Variants in EYS observed in about 807,000 individuals in gnomAD.
EYS encodes EGF-like photoreceptor maintenance factor, also known as protein eyes shut homolog.
EYS carries 250 observed loss-of-function variants against 282.1 expected under a neutral mutation model. The ratio of observed to expected loss-of-function variants is 0.89; its 90% CI spans 0.80 to 0.98. The LOEUF (loss-of-function observed/expected upper bound fraction) is 0.98, where lower values mean the gene tolerates loss of function less well. Among genes scored for constraint, EYS ranks in the 50% least tolerant of loss-of-function variants. The pLI is 0.00. For missense variants in EYS, 4,016 were observed against 3,709.0 expected, an observed-to-expected ratio of 1.08 and a Z score of -2.15; for synonymous variants, 1,355 against 1,282.9, an observed-to-expected ratio of 1.06 and a Z score of -1.20.
At chr6:63,927,778 C>T (rs749505308) in intron 35 of EYS, among the ~76,000 whole-genome samples, 30 of 152,138 alleles carry the variant, frequency 2.0e-4, no homozygotes, top group Non-Finnish European at 3.5e-4. Context: ...CGCTGGGCAG[C>T]GGATACTTTA....
At chr6:64,829,353 C>G (rs1278697772) in intron 19 of EYS, among the ~76,000 whole-genome samples, 6 of 151,940 alleles carry the variant, frequency 3.9e-5, no homozygotes, top group Non-Finnish European at 8.8e-5. Context: ...GTATGGGCTC[C>G]TCTGTCCCAA....
Position 65,362,279 on chromosome 6 carries a change from TC to T in EYS, c.1300-8663del, listed in dbSNP as rs1764740567. Among the ~76,000 whole-genome samples the T allele has an allele frequency of 2.6e-5, 4 of 152,214 alleles. No individual in the cohort carries two copies. In the South Asian group the frequency reaches 8.3e-4, roughly 32 times the overall value. ...CAAATAAAGTAAAAGAATGAAATTG[TC>T]CCAGTTCTCTTAGATATAACTTTAA... On this transcript the variant is annotated intron_variant, in intron 8 of 42. Coordinates refer to ENST00000503581, the MANE Select transcript of EYS (RefSeq NM_001142800.2).
intron 22 of EYS, among the ~76,000 whole-genome samples, chr6:64,751,212 G>A (rs1231244392): frequency 6.6e-6 from 1 of 152,182 alleles, no homozygotes; most frequent in Non-Finnish European, 1.5e-5. Context: ...CAGGCATATG[G>A]CACATTTGCT....
chr6:65,046,471 T>C (rs1773104476), intron 13 of EYS, among the ~76,000 whole-genome samples: 1 of 151,910 alleles, frequency 6.6e-6, no homozygotes, highest in Non-Finnish European at 1.5e-5. Flanking sequence ...TATCCTTCTA[T>C]GAACTTTTTT....
intron 12 of EYS, among the ~76,000 whole-genome samples, chr6:65,207,627 A>G (rs1562022750): frequency 6.6e-6 from 1 of 151,872 alleles, no homozygotes; most frequent in South Asian, 2.1e-4. Context: ...ACGATAACAC[A>G]TACTACAAGG....
chr6:64,539,009 G>C (rs1369289102), intron 26 of EYS, among the ~76,000 whole-genome samples: 2 of 152,128 alleles, frequency 1.3e-5, no homozygotes, highest in Non-Finnish European at 2.9e-5. Context: ...CGAGAATCTT[G>C]TTAAAACACA....
At chr6:64,274,654 A>G (rs1469922571) in intron 30 of EYS, among the ~76,000 whole-genome samples, 2 of 152,064 alleles carry the variant, frequency 1.3e-5, no homozygotes, top group African/African-American at 4.8e-5. Flanking sequence ...AGTTTAAAGA[A>G]AAACTTTGCT....
At chr6:65,550,153 T>TACC (rs1768560686) in intron 2 of EYS, among the ~76,000 whole-genome samples, 2 of 8,216 alleles carry the variant, frequency 2.4e-4, no homozygotes, top group Non-Finnish European at 3.3e-4. Flanking sequence ...CTTTTTTTTT[T>TACC]TTTTTTTTTT....
At chr6:63,860,779 G>T (rs1384547934) in intron 36 of EYS, among the ~76,000 whole-genome samples, 1 of 152,184 alleles carries the variant, frequency 6.6e-6, no homozygotes, top group South Asian at 2.1e-4. Flanking sequence ...ACATCTATGG[G>T]CTGAGAGATG....
At chr6:63,895,143 A>C (rs1773504352) in intron 35 of EYS, among the ~76,000 whole-genome samples, 1 of 38,968 alleles carries the variant, frequency 2.6e-5, no homozygotes, top group Non-Finnish European at 8.0e-5. Context: ...TGCACTTGTG[A>C]GCGATAAAAA....
chr6:64,339,344 A>G (rs1440242096), intron 29 of EYS, among the ~76,000 whole-genome samples: 1 of 152,042 alleles, frequency 6.6e-6, no homozygotes, highest in African/African-American at 2.4e-5. Context: ...TTCTCAAAAT[A>G]AGATATATAA....
chr6:65,268,916 C>T (rs547633957), intron 12 of EYS, among the ~76,000 whole-genome samples: 16 of 151,844 alleles, frequency 1.1e-4, no homozygotes, highest in Admixed American at 9.2e-4. Flanking sequence ...AAAATGCAGT[C>T]AAATCAGTAA....
intron 22 of EYS, chr6:64,733,597 C>A: frequency 6.3e-6 from 1 of 158,770 alleles, no homozygotes; most frequent in South Asian, 1.8e-4. Context: ...TAGATCCAGT[C>A]TTCATTCTCC....
chr6:65,007,588 C>T (rs1771721294), intron 13 of EYS, among the ~76,000 whole-genome samples: 1 of 152,078 alleles, frequency 6.6e-6, no homozygotes, highest in African/African-American at 2.4e-5. Flanking sequence ...GTGATTTATG[C>T]CCTACAGGAA....
chr6:65,223,224 G>A (rs1218152315), intron 12 of EYS, among the ~76,000 whole-genome samples: 3 of 151,980 alleles, frequency 2.0e-5, no homozygotes, highest in Admixed American at 6.6e-5. Flanking sequence ...AAAATTAGCT[G>A]GGCGTGGTGG....
intron 35 of EYS, among the ~76,000 whole-genome samples, chr6:63,876,656 G>T (rs1252661825): frequency 6.6e-6 from 1 of 152,176 alleles, no homozygotes; most frequent in Non-Finnish European, 1.5e-5. Context: ...GGGTGCTCCT[G>T]TATTGGGTGC....
chr6:63,729,543 A>G (rs1322308158), intron 41 of EYS, among the ~76,000 whole-genome samples: 1 of 148,710 alleles, frequency 6.7e-6, no homozygotes. Context: ...TTCTTTTTGC[A>G]TGTGGATGTC....
At chr6:63,849,243 G>C (rs1031651810) in intron 36 of EYS, among the ~76,000 whole-genome samples, 10 of 152,168 alleles carry the variant, frequency 6.6e-5, no homozygotes, top group African/African-American at 2.4e-4. Context: ...TGGGGAGAGG[G>C]GTGGCTGTGG....
intron 22 of EYS, among the ~76,000 whole-genome samples, chr6:64,676,876 G>C (rs1769708012): frequency 6.6e-6 from 1 of 152,044 alleles, no homozygotes; most frequent in African/African-American, 2.4e-5. Context: ...ATCTCCGAAA[G>C]GTCCCACCTC....
Sources: gnomAD v4.1 joint callset for allele counts (sites outside exome capture counted in the v4.1 genomes callset) on GRCh38, gnomAD v4.1.1 for gene constraint, MANE v1.5 for transcripts, NCBI Gene and HGNC (gene_info 2026-07-23, HGNC 2026-07-21) for gene names.